The following SOBP variants were observed in gnomAD, a reference collection of about 807,000 sequenced individuals.
The protein encoded by SOBP is sine oculis-binding protein homolog.
A neutral mutation model predicts 53.6 loss-of-function variants in SOBP; 4 were observed. The ratio of observed to expected loss-of-function variants is 0.07; its 90% CI spans 0.04 to 0.17. The LOEUF (loss-of-function observed/expected upper bound fraction) is 0.17. Ranked by LOEUF, SOBP falls within the 10% of genes least tolerant of loss-of-function variation. The pLI is 1.00. For missense variants in SOBP, 1,088 were observed against 1,204.7 expected (o/e 0.90, Z 1.43); for synonymous variants, 584 against 522.6 (o/e 1.12, Z -1.60).
chr6:107,659,083 T>C lies in SOBP; in HGVS notation c.*880T>C, dbSNP rs1772188713. ...AAAATGCCCTCAAGGTGTAAAATAA[T>C]CCGAGGGGGAATATTTGCTGGGCGT... On this transcript the variant is annotated 3_prime_UTR_variant, in exon 7 of 7. Transcript: ENST00000317357. 1 of 152,562 alleles carries C rather than the reference T, an allele frequency of 6.6e-6. No homozygotes were observed. Among genetic ancestry groups the C allele is most frequent in the South Asian group, 2.1e-4 (1 of 4,828 alleles). The allele number at this position is 152,562 out of a possible 1,614,324, so 9.5% of individuals were successfully genotyped here.
At chr6:107,582,906 C>T (rs1318275146) in intron 4 of SOBP, among the ~76,000 whole-genome samples, 1 of 152,156 alleles carries the variant, frequency 6.6e-6, no homozygotes, top group Non-Finnish European at 1.5e-5. Flanking sequence ...GATTTAAGAA[C>T]AATAATAAAA....
In SOBP at chr6:107,635,317, G is replaced by C; in HGVS notation, c.2473G>C (p.Gly825Arg). The stretch of plus-strand genomic sequence containing the variant: ...TGCTCTGCGGATGCTGCCCAAGACC[G>C]GCTGCGTGATCCAGCCTGTGCCAAA... The part of the protein sequence containing the change: ...AYALRMLPKT[G>R]CVIQPVPKPA... Residue 825 changes from glycine to arginine, a missense_variant, in exon 6 of 7, where the codon GGC becomes CGC. Transcript: ENST00000317357. The surrounding 1 kb of genome is among the most constrained non-coding windows in gnomAD (Gnocchi z 4.5). The C allele has an allele frequency of 1.2e-6, 2 of 1,613,664 alleles. No individual in the cohort carries two copies. Among genetic ancestry groups the C allele is most frequent in the Non-Finnish European group, 1.7e-6 (2 of 1,180,010 alleles).
rs147613999 is a variant in SOBP at position 107,551,935 on chromosome 6, C to T, written c.573+18325C>T. Among the ~76,000 whole-genome samples, 957 of 152,202 alleles carry T rather than the reference C, an allele frequency of 6.3e-3. 11 individuals are homozygous for T. The highest frequency in any genetic ancestry group is 0.022 in the African/African-American group (908 of 41,520). On this transcript the variant is annotated intron_variant, in intron 4 of 6. Transcript: ENST00000317357. Reference sequence around the variant, plus strand: ...ACTTGGGAGGCTGAGGCAGGAGAATCGCTTGAACCCAGGAGGTGGAGGTTT... The same window carrying T: ...ACTTGGGAGGCTGAGGCAGGAGAATTGCTTGAACCCAGGAGGTGGAGGTTT...
chr6:107,568,979 A>T (rs1455265255), intron 4 of SOBP, among the ~76,000 whole-genome samples: 1 of 152,226 alleles, frequency 6.6e-6, no homozygotes, highest in Non-Finnish European at 1.5e-5. Flanking sequence ...TGGAAGTGAG[A>T]AAGAATTTTT....
chr6:107,546,227 A>C (rs1209881400), intron 4 of SOBP, among the ~76,000 whole-genome samples: 3 of 152,158 alleles, frequency 2.0e-5, no homozygotes, highest in Non-Finnish European at 4.4e-5. Context: ...GTGTAAGAGA[A>C]AGATGCCGTA....
intron 5 of SOBP, among the ~76,000 whole-genome samples, chr6:107,593,147 T>G (rs972899491): frequency 6.6e-6 from 1 of 152,208 alleles, no homozygotes; most frequent in African/African-American, 2.4e-5. Flanking sequence ...TCACTTTTCC[T>G]ATATAAAGAC....
chr6:107,540,606 G>T (rs2114997035), intron 4 of SOBP, among the ~76,000 whole-genome samples: 1 of 152,340 alleles, frequency 6.6e-6, no homozygotes, highest in Middle Eastern at 3.4e-3. Flanking sequence ...TCTGCTACAA[G>T]CTCTGTGAGG....
At chr6:107,533,416 G>T in intron 3 of SOBP, 43 bp from the exon 4 acceptor site, 1 of 1,608,654 alleles carries the variant, frequency 6.2e-7, no homozygotes, top group Admixed American at 1.7e-5. Context: ...TTGAAGGGAT[G>T]TTTGCTTCTG....
intron 5 of SOBP, among the ~76,000 whole-genome samples, chr6:107,605,645 T>C (rs971228665): frequency 1.3e-5 from 2 of 152,216 alleles, no homozygotes; most frequent in African/African-American, 2.4e-5. Flanking sequence ...TGCCTCTGGC[T>C]CCAGGAACAA....
intron 4 of SOBP, chr6:107,557,741 T>G (rs1027607585): frequency 6.6e-6 from 1 of 152,234 alleles, no homozygotes; most frequent in Non-Finnish European, 1.5e-5. Context: ...ATCATTATTC[T>G]AAAATCTGGC....
At chr6:107,503,172 T>C (rs1782887751) in intron 1 of SOBP, among the ~76,000 whole-genome samples, 1 of 152,248 alleles carries the variant, frequency 6.6e-6, no homozygotes, top group East Asian at 1.9e-4. Context: ...AATTTTTCTT[T>C]GTTGAAATTT....
chr6:107,504,055 T>C (rs745307930), intron 2 of SOBP, among the ~76,000 whole-genome samples: 2 of 152,260 alleles, frequency 1.3e-5, no homozygotes, highest in Non-Finnish European at 2.9e-5. Context: ...CTAAGTGCCA[T>C]GGTCCTGCAT....
intron 2 of SOBP, among the ~76,000 whole-genome samples, chr6:107,504,290 C>T (rs769328382): frequency 1.3e-5 from 2 of 152,136 alleles, no homozygotes; most frequent in Admixed American, 6.6e-5. Flanking sequence ...TTCATTCTTT[C>T]CCTGCCCCCA....
chr6:107,491,274 C>G (rs1782574217), intron 1 of SOBP, among the ~76,000 whole-genome samples: 2 of 152,180 alleles, frequency 1.3e-5, no homozygotes, highest in South Asian at 4.1e-4. Context: ...GACCGCTCTC[C>G]TCGCCCGCCC....
At chr6:107,588,878 T>C (rs1785655683) in intron 5 of SOBP, among the ~76,000 whole-genome samples, 1 of 152,220 alleles carries the variant, frequency 6.6e-6, no homozygotes, top group East Asian at 1.9e-4. Flanking sequence ...AGAAATGCTT[T>C]ATTTTGGTCA....
At chr6:107,607,627 CAGAA>C (rs1299049255) in intron 5 of SOBP, among the ~76,000 whole-genome samples, 2 of 152,190 alleles carry the variant, frequency 1.3e-5, no homozygotes, top group African/African-American at 2.4e-5. Context: ...CTGCTGAACT[CAGAA>C]AGAGCTGATC....
At chr6:107,544,607 TTAAG>T (rs1395986612) in intron 4 of SOBP, among the ~76,000 whole-genome samples, 2 of 152,154 alleles carry the variant, frequency 1.3e-5, no homozygotes, top group African/African-American at 4.8e-5. Context: ...TAAAGAGGTG[TTAAG>T]TAAGGAAAGA....
At chr6:107,505,125 G>C (rs1405244742) in intron 2 of SOBP, among the ~76,000 whole-genome samples, 1 of 152,040 alleles carries the variant, frequency 6.6e-6, no homozygotes, top group Non-Finnish European at 1.5e-5. Context: ...GATACCTTGT[G>C]AAGCATCAGT....
Position 107,490,622 on chromosome 6 carries a change from A to C in SOBP, c.6A>C (p.Ala2=), listed in dbSNP as rs766325861. 1 of 1,603,332 alleles carries C rather than the reference A, an allele frequency of 6.2e-7. No individual in the cohort carries two copies. The highest frequency in any genetic ancestry group is 8.5e-7 in the Non-Finnish European group (1 of 1,174,262). The change falls in exon 1 of 7, where the codon GCA becomes GCC. Residue 2 remains alanine, a synonymous_variant. Transcript: ENST00000317357. The part of the protein sequence containing the change: M[A]EMEKEGRPPE... ...CAGAAACCAGACACAAAAACATGGC[A>C]GAAATGGAGAAAGAAGGGAGACCTC...
Sources: allele counts gnomAD v4.1 joint callset (sites outside exome capture counted in the v4.1 genomes callset), GRCh38; gene constraint gnomAD v4.1.1; non-coding constraint Gnocchi (gnomAD v3.1); transcripts MANE v1.5; gene names NCBI Gene and HGNC (gene_info 2026-07-23, HGNC 2026-07-21).